The following TMEM132D variants were observed in gnomAD, a reference collection of about 807,000 sequenced individuals.
The protein encoded by TMEM132D is transmembrane protein 132D.
TMEM132D carries 21 observed loss-of-function variants against 62.3 expected under a neutral mutation model. The ratio of observed to expected loss-of-function variants is 0.34; its 90% CI spans 0.24 to 0.49. TMEM132D has a LOEUF of 0.49. Among genes scored for constraint, TMEM132D ranks in the 20% least tolerant of loss-of-function variants. The pLI, the probability that TMEM132D is intolerant of heterozygous loss-of-function variation, is 0.99. For missense variants in TMEM132D, 1,346 were observed against 1,402.8 expected (o/e 0.96, Z 0.65); for synonymous variants, 621 against 575.6 (o/e 1.08, Z -1.13).
At chr12:129,284,333 C>T (rs1348604096) in intron 4 of TMEM132D, among the ~76,000 whole-genome samples, 1 of 152,230 alleles carries the variant, frequency 6.6e-6, no homozygotes, top group East Asian at 1.9e-4. Flanking sequence ...CAGAAAACCA[C>T]TCAGTTTGTC....
At chr12:129,543,255 G>GTGGA (rs1362258849) in intron 2 of TMEM132D, among the ~76,000 whole-genome samples, 6 of 106,516 alleles carry the variant, frequency 5.6e-5, no homozygotes, top group Non-Finnish European at 9.4e-5. Context: ...GGGTGGGTGG[G>GTGGA]TGGATGGATG....
At chr12:129,834,320 T>C (rs1872935044) in intron 1 of TMEM132D, among the ~76,000 whole-genome samples, 1 of 152,040 alleles carries the variant, frequency 6.6e-6, no homozygotes. Flanking sequence ...TAAATGGAGT[T>C]ATGGACAATT....
intron 4 of TMEM132D, among the ~76,000 whole-genome samples, chr12:129,303,960 C>T (rs375585165): frequency 1.3e-5 from 2 of 152,198 alleles, no homozygotes; most frequent in South Asian, 2.1e-4. Context: ...CCTGCCTCCA[C>T]CTTTGTGTTC....
chr12:129,233,280 C>T (rs931505263), intron 4 of TMEM132D, among the ~76,000 whole-genome samples: 2 of 152,154 alleles, frequency 1.3e-5, no homozygotes, highest in African/African-American at 4.8e-5. Context: ...ATCATCTGCA[C>T]GCAACAGTTC....
chr12:129,256,262 T>C (rs1464981713), intron 4 of TMEM132D, among the ~76,000 whole-genome samples: 1 of 152,124 alleles, frequency 6.6e-6, no homozygotes, highest in African/African-American at 2.4e-5. Flanking sequence ...TTGCTCACCA[T>C]CTGTCTTGCC....
At chr12:129,264,980 G>A (rs771082820) in intron 4 of TMEM132D, among the ~76,000 whole-genome samples, 5 of 152,154 alleles carry the variant, frequency 3.3e-5, no homozygotes, top group Non-Finnish European at 4.4e-5. Context: ...CTGCTTGGGT[G>A]ATGGGTGCAC....
rs147723865 is a variant in TMEM132D, at chr12:129,284,731, C to T, written c.1299+52903G>A. On this transcript the variant is annotated intron_variant, in intron 4 of 8. Transcript: ENST00000422113. ...TAAATACAATGGAATATTATTCAGCCATAAAAAAGGAATTAAGTGTTAATA... is the reference window on the plus strand; with the variant it reads ...TAAATACAATGGAATATTATTCAGCTATAAAAAAGGAATTAAGTGTTAATA... Among the ~76,000 whole-genome samples the T allele has an allele frequency of 3.3e-5, 5 of 152,266 alleles. No homozygotes were observed. In the East Asian group the frequency reaches 9.6e-4, roughly 29 times the overall value.
intron 4 of TMEM132D, among the ~76,000 whole-genome samples, chr12:129,247,586 G>A (rs1593310784): frequency 6.6e-6 from 1 of 152,212 alleles, no homozygotes; most frequent in African/African-American, 2.4e-5. Context: ...GAGACAAGAC[G>A]TTGCTACAAA....
At chr12:129,672,016 T>C (rs1207245490) in intron 2 of TMEM132D, among the ~76,000 whole-genome samples, 1 of 152,226 alleles carries the variant, frequency 6.6e-6, no homozygotes, top group Non-Finnish European at 1.5e-5. Flanking sequence ...AAAAGAATTC[T>C]GCCTCGTGGT....
intron 5 of TMEM132D, among the ~76,000 whole-genome samples, chr12:129,142,522 A>G (rs1212602074): frequency 6.6e-6 from 1 of 152,156 alleles, no homozygotes. Flanking sequence ...GATATAGTAG[A>G]CTTGTGATTC....
Position 129,075,917 on chromosome 12 carries a change from T to TCCTC in TMEM132D, c.2116-862_2116-859dup, listed in dbSNP as rs377474059. ...TGACAGCAGTGGCAGATCCATTGCT[T>TCCTC]CCTCCCTCCCTCCCTCCCTCTCAGA... is the stretch of plus-strand genomic sequence containing the variant. On this transcript the variant is annotated intron_variant, in intron 8 of 8. Transcript: ENST00000422113. Among the ~76,000 whole-genome samples the TCCTC allele has an allele frequency of 3.8e-3, 583 of 152,084 alleles. 3 individuals carry two copies. Among genetic ancestry groups the TCCTC allele is most frequent in the African/African-American group, 0.012 (496 of 41,440 alleles).
At chr12:129,389,476 CAACACT>C (rs1235984382) in intron 3 of TMEM132D, among the ~76,000 whole-genome samples, 3 of 152,062 alleles carry the variant, frequency 2.0e-5, no homozygotes, top group South Asian at 2.1e-4. Context: ...CTGCCAACAC[CAACACT>C]AACACCAACA....
At chr12:129,421,690 T>C (rs1872328899) in intron 3 of TMEM132D, among the ~76,000 whole-genome samples, 1 of 152,250 alleles carries the variant, frequency 6.6e-6, no homozygotes, top group Non-Finnish European at 1.5e-5. Flanking sequence ...TACTTGGCTA[T>C]ATTTTTGATA....
In TMEM132D at chr12:129,798,896, T is replaced by C. The variant is rs558885786; in HGVS notation, c.80-98198A>G. Among the ~76,000 whole-genome samples the C allele has an allele frequency of 5.3e-5, 8 of 152,366 alleles. No individual in the cohort carries two copies. The South Asian group carries it at 1.4e-3, about 28-fold the overall frequency. On this transcript the variant is annotated intron_variant, in intron 1 of 8. Coordinates refer to ENST00000422113, the MANE Select transcript of TMEM132D (RefSeq NM_133448.3). ...CCAAATCCAATCTACCAACTGTTTT[T>C]GCTTGGTATGCACAAGATTTCAAAC... is the stretch of plus-strand genomic sequence containing the variant.
intron 5 of TMEM132D, among the ~76,000 whole-genome samples, chr12:129,113,644 T>C (rs1211455885): frequency 2.0e-5 from 3 of 152,092 alleles, no homozygotes; most frequent in Non-Finnish European, 4.4e-5. Context: ...TTTGTAGCTG[T>C]AGACCCGTCG....
At chr12:129,700,784 A>G (rs1332085538) in intron 1 of TMEM132D, 86 bp from the exon 2 acceptor site, 15 of 1,448,834 alleles carry the variant, frequency 1.0e-5, no homozygotes, top group Non-Finnish European at 1.4e-5. Context: ...CCCCTTCATA[A>G]CAGAGGACCC....
Position 129,496,808 on chromosome 12 carries a change from T to C in TMEM132D, c.1115+34251A>G, listed in dbSNP as rs1874972922. 2.6e-5 allele frequency among the ~76,000 whole-genome samples: 4 copies of C among 152,164 alleles called. 1 individual carries two copies. The highest frequency in any genetic ancestry group is 2.6e-4 in the Admixed American group (4 of 15,282). On this transcript the variant is annotated intron_variant, in intron 3 of 8. Coordinates refer to ENST00000422113, the MANE Select transcript of TMEM132D (RefSeq NM_133448.3). ...ACGATTGACAATCACTCGTGCTCAC[T>C]AATTACCCTGGGCTGCCCCTCACTG...
intron 2 of TMEM132D, among the ~76,000 whole-genome samples, chr12:129,641,506 T>C (rs1879638935): frequency 6.6e-6 from 1 of 152,156 alleles, no homozygotes; most frequent in African/African-American, 2.4e-5. Context: ...GATCACAAGG[T>C]GCTACTAACG....
chr12:129,084,774 G>A (rs913367855), intron 5 of TMEM132D, 72 bp from the exon 6 acceptor site: 1 of 1,481,998 alleles, frequency 6.7e-7, no homozygotes, highest in Non-Finnish European at 9.2e-7. Flanking sequence ...CAAGGAGGAG[G>A]AAAGGGAAGT....
Sources: allele counts gnomAD v4.1 joint callset (sites outside exome capture counted in the v4.1 genomes callset), GRCh38; gene constraint gnomAD v4.1.1; transcripts MANE v1.5; gene names NCBI Gene and HGNC (gene_info 2026-07-23, HGNC 2026-07-21).